Variants in HS6ST1 observed in about 807,000 individuals in gnomAD.
HS6ST1 encodes heparan sulfate 6-O-sulfotransferase 1, also known as heparan-sulfate 6-O-sulfotransferase 1.
Under a neutral mutation model 25.2 loss-of-function variants are expected in HS6ST1, and 3 were observed. The ratio of observed to expected loss-of-function variants is 0.12; its 90% CI spans 0.05 to 0.31. The LOEUF is 0.31. Ranked by LOEUF, HS6ST1 falls within the 10% of genes least tolerant of loss-of-function variation. The probability of loss-of-function intolerance (pLI) is 1.00; values close to 1 mark genes in which losing one functional copy is unlikely to be tolerated. For missense variants in HS6ST1, 310 were observed against 609.6 expected (o/e 0.51, Z 5.18); for synonymous variants, 204 against 275.1 (o/e 0.74, Z 2.56).
intron 1 of HS6ST1, among the ~76,000 whole-genome samples, chr2:128,299,481 C>T (rs1023795575): frequency 6.6e-6 from 1 of 152,254 alleles, no homozygotes; most frequent in African/African-American, 2.4e-5. Context: ...CATGCCCTAT[C>T]CTCCAGACCC....
chr2:128,298,799 G>A (rs1487617005), intron 1 of HS6ST1, among the ~76,000 whole-genome samples: 1 of 152,060 alleles, frequency 6.6e-6, no homozygotes, highest in Non-Finnish European at 1.5e-5. Flanking sequence ...TGGTTAGAAT[G>A]GTAAATTTTA....
rs1010214562 is a variant in HS6ST1, at chr2:128,271,525, G to C, written c.528-2655C>G. 3.9e-5 allele frequency among the ~76,000 whole-genome samples: 6 copies of C among 152,338 alleles called. No individual in the cohort carries two copies. The East Asian group carries it at 1.2e-3, about 29-fold the overall frequency. Reference sequence around the variant, plus strand: ...CAAGGGCCCTGGCTCCTCAGCTCTGGGGGTGCAGAACACGGGGAAATGCGA... The same window carrying C: ...CAAGGGCCCTGGCTCCTCAGCTCTGCGGGTGCAGAACACGGGGAAATGCGA... On this transcript the variant is annotated intron_variant, in intron 1 of 1. Transcript: ENST00000259241.
intron 1 of HS6ST1, among the ~76,000 whole-genome samples, chr2:128,299,894 G>C (rs1237323269): frequency 6.6e-6 from 1 of 152,218 alleles, no homozygotes; most frequent in Non-Finnish European, 1.5e-5. Flanking sequence ...AACACAGCTT[G>C]TGGCAGCACA....
chr2:128,300,834 C>T (rs1694114648), intron 1 of HS6ST1, among the ~76,000 whole-genome samples: 1 of 152,236 alleles, frequency 6.6e-6, no homozygotes, highest in Non-Finnish European at 1.5e-5. Flanking sequence ...GTCTCACCCT[C>T]CAGAGCAGCT....
chr2:128,274,616 G>A (rs550926542), intron 1 of HS6ST1, among the ~76,000 whole-genome samples: 51 of 152,262 alleles, frequency 3.3e-4, no homozygotes, highest in African/African-American at 1.2e-3. Flanking sequence ...CCCAGGGGAC[G>A]GTTCCAGGAT....
intron 1 of HS6ST1, among the ~76,000 whole-genome samples, chr2:128,270,949 G>A (rs1005052124): frequency 2.0e-5 from 3 of 152,214 alleles, no homozygotes; most frequent in Admixed American, 6.5e-5. Flanking sequence ...AAATGGCTCA[G>A]TTCCTCTCCC....
intron 1 of HS6ST1, among the ~76,000 whole-genome samples, chr2:128,292,440 C>A (rs909939571): frequency 6.6e-6 from 1 of 152,180 alleles, no homozygotes; most frequent in Non-Finnish European, 1.5e-5. Context: ...CAACCCGGGG[C>A]GAGACACGTA....
At chr2:128,269,091 T>TGCA (rs749230965) in intron 1 of HS6ST1, among the ~76,000 whole-genome samples, 1 of 152,252 alleles carries the variant, frequency 6.6e-6, no homozygotes, top group African/African-American at 2.4e-5. Context: ...CACAGTGCCC[T>TGCA]GCAGCGCCTG....
At chr2:128,315,276 A>C (rs1247105933) in intron 1 of HS6ST1, among the ~76,000 whole-genome samples, 2 of 152,242 alleles carry the variant, frequency 1.3e-5, no homozygotes, top group Non-Finnish European at 2.9e-5. Flanking sequence ...GGAAGACATC[A>C]AAAACCTGTC....
At chr2:128,297,570 A>G (rs1694058158) in intron 1 of HS6ST1, among the ~76,000 whole-genome samples, 1 of 152,136 alleles carries the variant, frequency 6.6e-6, no homozygotes, top group Non-Finnish European at 1.5e-5. Flanking sequence ...GCTTATGCCT[A>G]TAATTCTAGC....
chr2:128,289,836 T>C (rs543193250), intron 1 of HS6ST1: 129 of 152,328 alleles, frequency 8.5e-4, no homozygotes, highest in African/African-American at 3.0e-3. Flanking sequence ...GGAGAACATG[T>C]AAGAGATAGA....
chr2:128,293,838 T>C (rs769497503), intron 1 of HS6ST1, among the ~76,000 whole-genome samples: 1 of 152,194 alleles, frequency 6.6e-6, no homozygotes, highest in Non-Finnish European at 1.5e-5. Flanking sequence ...GCAGGGTCTG[T>C]GGCCACATAG....
At chr2:128,282,915 A>C (rs1191823874) in intron 1 of HS6ST1, among the ~76,000 whole-genome samples, 2 of 152,126 alleles carry the variant, frequency 1.3e-5, no homozygotes, top group African/African-American at 4.8e-5. Context: ...TGACCGCCCC[A>C]CATCTGGGGC....
chr2:128,272,456 C>T lies in HS6ST1; in HGVS notation c.528-3586G>A, dbSNP rs186195976. ...TGCACAGTGGGCCGGCTCTAGTAGC[C>T]CCAGATGGCACGCGACCTACTGACC... On this transcript the variant is annotated intron_variant, in intron 1 of 1. Coordinates refer to ENST00000259241, the MANE Select transcript of HS6ST1 (RefSeq NM_004807.3). Among the ~76,000 whole-genome samples, 242 of 152,322 alleles carry T rather than the reference C, an allele frequency of 1.6e-3. 3 individuals carry two copies. Among genetic ancestry groups the T allele is most frequent in the Non-Finnish European group, 3.0e-3 (205 of 68,020 alleles).
In HS6ST1 at chr2:128,273,214, G is replaced by A. The variant is rs17016059; in HGVS notation, c.528-4344C>T. Among the ~76,000 whole-genome samples the A allele has an allele frequency of 9.1e-3, 1,381 of 152,294 alleles. 20 individuals carry two copies. The highest frequency in any genetic ancestry group is 0.03 in the African/African-American group (1,245 of 41,566). On this transcript the variant is annotated intron_variant, in intron 1 of 1. Transcript: ENST00000259241. ...CCTGGGGGAGCCTTAGGAGCTGACC[G>A]AGGCCCCTGCCCTAAGGCCCAATGG...
intron 1 of HS6ST1, among the ~76,000 whole-genome samples, chr2:128,299,116 C>A (rs1694083429): frequency 6.6e-6 from 1 of 152,270 alleles, no homozygotes; most frequent in African/African-American, 2.4e-5. Context: ...TGTGACCTAG[C>A]CAAGGACCCA....
chr2:128,291,400 G>A (rs1002061354), intron 1 of HS6ST1, among the ~76,000 whole-genome samples: 10 of 152,240 alleles, frequency 6.6e-5, no homozygotes, highest in African/African-American at 1.9e-4. Context: ...GGTTTGGGGC[G>A]GCCATGGCAC....
chr2:128,276,114 C>G (rs1453553046), intron 1 of HS6ST1, among the ~76,000 whole-genome samples: 1 of 152,214 alleles, frequency 6.6e-6, no homozygotes, highest in Non-Finnish European at 1.5e-5. Context: ...TATTCAGGGA[C>G]ACACATATAC....
chr2:128,316,050 T>A (rs1025642358), intron 1 of HS6ST1, among the ~76,000 whole-genome samples: 2 of 152,210 alleles, frequency 1.3e-5, no homozygotes, highest in East Asian at 3.9e-4. Context: ...GCCAGAGGCA[T>A]CTGCGTTTTC....
Sources: allele counts gnomAD v4.1 joint callset (sites outside exome capture counted in the v4.1 genomes callset), GRCh38; gene constraint gnomAD v4.1.1; transcripts MANE v1.5; gene names NCBI Gene and HGNC (gene_info 2026-07-23, HGNC 2026-07-21).